Variants in CTNNA3 observed in about 807,000 individuals in gnomAD.
The protein encoded by CTNNA3 is catenin alpha 3, also known as catenin alpha-3.
CTNNA3 carries 76 observed loss-of-function variants against 95.7 expected under a neutral mutation model. The observed-to-expected ratio is 0.79, with a 90% CI of 0.66 to 0.96. The LOEUF (loss-of-function observed/expected upper bound fraction) is 0.96. Among genes scored for constraint, CTNNA3 ranks in the 40% least tolerant of loss-of-function variants. The pLI, the probability that CTNNA3 is intolerant of heterozygous loss-of-function variation, is 0.00. For missense variants in CTNNA3, 1,191 were observed against 1,089.8 expected (o/e 1.09, Z -1.31); for synonymous variants, 431 against 374.4 (o/e 1.15, Z -1.74).
intron 5 of CTNNA3, among the ~76,000 whole-genome samples, chr10:67,249,795 A>C (rs559353175): frequency 1.3e-5 from 2 of 152,308 alleles, no homozygotes; most frequent in South Asian, 4.1e-4. Flanking sequence ...AGTCACACAC[A>C]TACCCACACT....
At chr10:66,995,466 C>A (rs1050403219) in intron 7 of CTNNA3, among the ~76,000 whole-genome samples, 5 of 152,182 alleles carry the variant, frequency 3.3e-5, no homozygotes, top group Non-Finnish European at 5.9e-5. Context: ...TTAATCCATT[C>A]TCCAAACATT....
rs930205940 is a variant in CTNNA3 at position 65,919,339 on chromosome 10, T to C, written c.*991A>G. 2 of 152,218 alleles carry C rather than the reference T, an allele frequency of 1.3e-5. No individual in the cohort carries two copies. Among genetic ancestry groups the C allele is most frequent in the Admixed American group, 1.3e-4 (2 of 15,292 alleles). The allele number at this position is 152,218 out of a possible 1,614,324, so 9.4% of individuals were successfully genotyped here. ...AGCTTCATTGCCATTAACTGCTTCA[T>C]AGTTCAATGGTACAGTTCATGCAGT... is the stretch of plus-strand genomic sequence containing the variant. On this transcript the variant is annotated 3_prime_UTR_variant, in exon 18 of 18. Coordinates refer to ENST00000433211, the MANE Select transcript of CTNNA3 (RefSeq NM_013266.4).
chr10:67,114,709 GGTGTGTGTGTGTGTGT>G (rs56772381), intron 7 of CTNNA3, among the ~76,000 whole-genome samples: 1 of 144,754 alleles, frequency 6.9e-6, no homozygotes, highest in South Asian at 2.3e-4. Context: ...GGTTCTTAAA[GGTGTGTGTGTGTGTGT>G]GTGTGTGTGT....
intron 10 of CTNNA3, among the ~76,000 whole-genome samples, chr10:66,580,286 T>C (rs1240578315): frequency 6.6e-6 from 1 of 151,784 alleles, no homozygotes; most frequent in East Asian, 1.9e-4. Context: ...TTTTTATTTT[T>C]AATTTTTATG....
At chr10:67,075,895 G>A (rs1856722963) in intron 7 of CTNNA3, among the ~76,000 whole-genome samples, 1 of 152,230 alleles carries the variant, frequency 6.6e-6, no homozygotes, top group Admixed American at 6.5e-5. Flanking sequence ...CAACGAAGGT[G>A]TGGAGCATGG....
intron 9 of CTNNA3, among the ~76,000 whole-genome samples, chr10:66,741,682 C>T (rs1041263737): frequency 7.2e-5 from 11 of 152,204 alleles, no homozygotes; most frequent in African/African-American, 2.7e-4. Context: ...GAGGGACTGG[C>T]TGAAGCCATG....
At chr10:66,809,110 C>T (rs553343404) in intron 7 of CTNNA3, among the ~76,000 whole-genome samples, 2 of 152,224 alleles carry the variant, frequency 1.3e-5, no homozygotes, top group East Asian at 1.9e-4. Flanking sequence ...TTTCTTAAAG[C>T]TTGCTGACAT....
At chr10:66,052,909 A>AT (rs939282679) in intron 15 of CTNNA3, among the ~76,000 whole-genome samples, 2 of 151,994 alleles carry the variant, frequency 1.3e-5, no homozygotes, top group South Asian at 2.1e-4. Flanking sequence ...AGGTATTACA[A>AT]TTTTTTTTGG....
At chr10:65,968,248 C>G (rs566922117) in intron 16 of CTNNA3, among the ~76,000 whole-genome samples, 1 of 151,916 alleles carries the variant, frequency 6.6e-6, no homozygotes, top group Admixed American at 6.6e-5. Context: ...ATAAATTAGC[C>G]AGGTGTGGTC....
rs1838902500 is a variant in CTNNA3 at position 67,270,025 on chromosome 10, T to C, written c.580-50155A>G. On this transcript the variant is annotated intron_variant, in intron 5 of 17. Transcript: ENST00000433211. ...GATGGGTTTAATACAGAACTGAGAA[T>C]AAATTACTTTCAGCAGCTGCACTCT... is the stretch of plus-strand genomic sequence containing the variant. Among the ~76,000 whole-genome samples, 7 of 151,496 alleles carry C rather than the reference T, an allele frequency of 4.6e-5. No individual in the cohort carries two copies. In the South Asian group the frequency reaches 1.5e-3, roughly 31 times the overall value.
chr10:67,217,750 G>A (rs1333878053), intron 6 of CTNNA3, among the ~76,000 whole-genome samples: 3 of 152,120 alleles, frequency 2.0e-5, no homozygotes, highest in Non-Finnish European at 4.4e-5. Flanking sequence ...AGATAAACTG[G>A]AGCTCTTATG....
chr10:67,503,070 G>A (rs1319725134), intron 5 of CTNNA3, among the ~76,000 whole-genome samples: 1 of 152,134 alleles, frequency 6.6e-6, no homozygotes, highest in Non-Finnish European at 1.5e-5. Context: ...TCCCAGTTTT[G>A]TGCTTGAAAC....
At chr10:66,429,590 G>T (rs1293642193) in intron 11 of CTNNA3, among the ~76,000 whole-genome samples, 1 of 152,188 alleles carries the variant, frequency 6.6e-6, no homozygotes, top group South Asian at 2.1e-4. Flanking sequence ...ATGCAAGGCT[G>T]GTTCAACATA....
chr10:66,680,955 G>T lies in CTNNA3; in HGVS notation c.1282-59171C>A, dbSNP rs138192438. Among the ~76,000 whole-genome samples, 404 of 152,238 alleles carry T rather than the reference G, an allele frequency of 2.7e-3. 4 individuals are homozygous for T. The highest frequency in any genetic ancestry group is 9.4e-3 in the African/African-American group (391 of 41,546). On this transcript the variant is annotated intron_variant, in intron 9 of 17. Coordinates refer to ENST00000433211, the MANE Select transcript of CTNNA3 (RefSeq NM_013266.4). ...GAATTTTTTCTTATCTCTACTCTTG[G>T]CAAATACAACTCTTGGGGACTGAGA...
chr10:67,385,718 C>A (rs540575532), intron 5 of CTNNA3, among the ~76,000 whole-genome samples: 11 of 151,894 alleles, frequency 7.2e-5, no homozygotes, highest in Admixed American at 2.0e-4. Flanking sequence ...GCATTCTGAG[C>A]GCAAAGCAAC....
At chr10:66,864,641 A>G (rs1299304541) in intron 7 of CTNNA3, among the ~76,000 whole-genome samples, 1 of 152,092 alleles carries the variant, frequency 6.6e-6, no homozygotes, top group African/African-American at 2.4e-5. Context: ...CCTATTTTCT[A>G]TCTTGATCTG....
intron 13 of CTNNA3, among the ~76,000 whole-genome samples, chr10:66,134,098 A>C (rs930316542): frequency 2.0e-5 from 3 of 152,180 alleles, no homozygotes; most frequent in Non-Finnish European, 4.4e-5. Context: ...ATTAGAAGAA[A>C]ATATCGACAA....
chr10:67,121,981 CAAAAAAAAA>C lies in CTNNA3; in HGVS notation c.1047+58327_1047+58335del, dbSNP rs370358378. ...CGCTCTTAGCCAACATTATTCTGAGCAAAAAAAAAAAAAAAAAAAAAAAAAAAGCTGAGG... is the reference window on the plus strand; with the variant it reads ...CGCTCTTAGCCAACATTATTCTGAGCAAAAAAAAAAAAAAAAAAGCTGAGG... On this transcript the variant is annotated intron_variant, in intron 7 of 17. Transcript: ENST00000433211. 4.0e-4 allele frequency among the ~76,000 whole-genome samples: 19 copies of C among 47,144 alleles called. No homozygotes were observed. In the South Asian group the frequency reaches 0.015, roughly 36 times the overall value. The allele number at this position is 47,144 out of a possible 152,430, so 30.9% of individuals were successfully genotyped here. A position where few individuals can be genotyped will look rare whatever the true frequency, so the allele number is the denominator to read the frequency against.
In CTNNA3 at chr10:67,725,499, G is replaced by T. The variant is rs568669447; in HGVS notation, c.-2+37935C>A. Among the ~76,000 whole-genome samples, 14 of 152,102 alleles carry T rather than the reference G, an allele frequency of 9.2e-5. 1 individual carries two copies. In the East Asian group the frequency reaches 1.5e-3, roughly 17 times the overall value. ...GCCTTATTGTACTTTTATATAGTAA[G>T]ATCTGCCTGTCAAATATGCTCTAAG... On this transcript the variant is annotated intron_variant, in intron 1 of 17. Coordinates refer to the CTNNA3 transcript ENST00000684154.
Sources: allele counts gnomAD v4.1 joint callset (sites outside exome capture counted in the v4.1 genomes callset), GRCh38; gene constraint gnomAD v4.1.1; transcripts MANE v1.5; gene names NCBI Gene and HGNC (gene_info 2026-07-23, HGNC 2026-07-21).